The following TCEA3 variants were observed in gnomAD, a reference collection of about 807,000 sequenced individuals.
TCEA3 encodes transcription elongation factor A protein 3.
A neutral mutation model predicts 44.0 loss-of-function variants in TCEA3; 36 were observed. The ratio of observed to expected loss-of-function variants is 0.82; its 90% CI spans 0.63 to 1.08. TCEA3 has a LOEUF of 1.08. TCEA3 is among the 50% of genes least tolerant of loss of function. The pLI is 0.00. For synonymous variants in TCEA3, 162 were observed against 159.7 expected (o/e 1.01, Z -0.11); for missense variants, 392 against 441.2 (o/e 0.89, Z 1.00).
At chr1:23,407,943 C>G (rs78789619) in intron 5 of TCEA3, among the ~76,000 whole-genome samples, 1 of 151,938 alleles carries the variant, frequency 6.6e-6, no homozygotes, top group Non-Finnish European at 1.5e-5. Context: ...TCTTTCTTTT[C>G]TTTTCTTTTT....
intron 1 of TCEA3, among the ~76,000 whole-genome samples, chr1:23,420,382 C>T (rs1640025748): frequency 6.6e-6 from 1 of 152,204 alleles, no homozygotes; most frequent in Non-Finnish European, 1.5e-5. Context: ...GCTGGGACCA[C>T]AGGTATGCAC....
intron 7 of TCEA3, among the ~76,000 whole-genome samples, chr1:23,396,164 A>G (rs1358994011): frequency 1.3e-5 from 2 of 152,186 alleles, no homozygotes; most frequent in Non-Finnish European, 2.9e-5. Flanking sequence ...CACAGGAAGA[A>G]GATGGAAACG....
intron 3 of TCEA3, 106 bp downstream of exon 3, chr1:23,417,798 A>T: frequency 9.9e-7 from 1 of 1,013,110 alleles, no homozygotes; most frequent in Non-Finnish European, 1.5e-6. Flanking sequence ...GTCACTGATT[A>T]AGTCACTCAA....
chr1:23,410,211 A>T (rs1639669847), intron 4 of TCEA3, among the ~76,000 whole-genome samples: 1 of 151,880 alleles, frequency 6.6e-6, no homozygotes, highest in African/African-American at 2.4e-5. Flanking sequence ...GCTTCTCCCT[A>T]GTGCACCTTG....
At chr1:23,419,757 G>A (rs2148585854) in intron 1 of TCEA3, among the ~76,000 whole-genome samples, 1 of 152,220 alleles carries the variant, frequency 6.6e-6, no homozygotes, top group East Asian at 1.9e-4. Flanking sequence ...AATCGCTTGA[G>A]CCCAGGAGAT....
intron 5 of TCEA3, among the ~76,000 whole-genome samples, chr1:23,399,153 T>C (rs1321127775): frequency 1.9e-5 from 2 of 105,954 alleles, no homozygotes; most frequent in Admixed American, 8.9e-5. Flanking sequence ...TGTATATATA[T>C]ATATATATAT....
intron 1 of TCEA3, among the ~76,000 whole-genome samples, chr1:23,420,523 C>T (rs1046912227): frequency 6.6e-6 from 1 of 152,156 alleles, no homozygotes; most frequent in East Asian, 1.9e-4. Context: ...GGATTACAGG[C>T]GTGAGCCACC....
intron 4 of TCEA3, among the ~76,000 whole-genome samples, chr1:23,415,935 C>T: frequency 6.7e-6 from 1 of 150,312 alleles, no homozygotes; most frequent in East Asian, 1.9e-4. Flanking sequence ...ACTAACTCAT[C>T]AAGAGTGATT....
At position 23,408,719 on chromosome 1, in the gene TCEA3, A is replaced by C. The variant is rs372271797; in HGVS notation, c.388T>G (p.Ser130Ala). Residue 130 changes from serine to alanine, a missense_variant, in exon 5 of 11, where the codon TCT (serine) becomes GCT (alanine). Coordinates refer to ENST00000450454, the MANE Select transcript of TCEA3 (RefSeq NM_003196.3). ...KREDPKTRRD[S>A]VDSKSSASSS... ...GAGGCAGAAGACTTGGAGTCCACAG[A>C]GTCTCTCCTGAAAGAAGAAAATTGG... The C allele has an allele frequency of 4.4e-6, 7 of 1,608,714 alleles. No homozygotes were observed. In the African/African-American group the frequency reaches 9.3e-5, roughly 21 times the overall value.
At chr1:23,413,818 A>G (rs1639805228) in intron 4 of TCEA3, among the ~76,000 whole-genome samples, 1 of 151,996 alleles carries the variant, frequency 6.6e-6, no homozygotes, top group Non-Finnish European at 1.5e-5. Flanking sequence ...CTTGTGCTTG[A>G]TTTTCTAAAC....
chr1:23,410,962 T>G (rs1034714856), intron 4 of TCEA3: 1 of 186,482 alleles, frequency 5.4e-6, no homozygotes, highest in Non-Finnish European at 1.2e-5. Flanking sequence ...TAGGACCTTA[T>G]CATGAGACAG....
chr1:23,410,893 C>T (rs1639686943), intron 4 of TCEA3: 1 of 159,072 alleles, frequency 6.3e-6, no homozygotes, highest in South Asian at 1.8e-4. Context: ...TCCAAAACAG[C>T]TAGCAGTTTG....
At chr1:23,418,906 C>T (rs1413720061) in intron 2 of TCEA3, among the ~76,000 whole-genome samples, 171 bp downstream of exon 2, 1 of 151,234 alleles carries the variant, frequency 6.6e-6, no homozygotes, top group Admixed American at 6.6e-5. Context: ...CCCGAGATGC[C>T]CCTGTGTCCC....
At chr1:23,405,422 C>G (rs955930792) in intron 5 of TCEA3, among the ~76,000 whole-genome samples, 1 of 151,986 alleles carries the variant, frequency 6.6e-6, no homozygotes, top group Non-Finnish European at 1.5e-5. Context: ...TGGTAAAACC[C>G]CGTCTCTACT....
chr1:23,381,486 G>A lies in TCEA3; in HGVS notation c.1039-12C>T. 1 of 780,798 alleles carries A rather than the reference G, an allele frequency of 1.3e-6. No homozygotes were observed. Among genetic ancestry groups the A allele is most frequent in the Non-Finnish European group, 2.4e-6 (1 of 417,974 alleles). 48.4% of individuals were successfully genotyped at this position (780,798 alleles called of 1,614,324 possible). A position where few individuals can be genotyped will look rare whatever the true frequency, so the allele number is the denominator to read the frequency against. On this transcript the variant is annotated splice_polypyrimidine_tract_variant and intron_variant, in intron 10 of 10. Coordinates refer to ENST00000450454, the MANE Select transcript of TCEA3 (RefSeq NM_003196.3). Reference sequence around the variant, plus strand: ...TTCCATCAGCAGAACTACAAAACCAGAAAGGCAACAAAATTTGAAAGGTTT... The same window carrying A: ...TTCCATCAGCAGAACTACAAAACCAAAAAGGCAACAAAATTTGAAAGGTTT...
intron 8 of TCEA3, among the ~76,000 whole-genome samples, chr1:23,393,348 A>T (rs1639117967): frequency 1.3e-5 from 2 of 151,958 alleles, no homozygotes; most frequent in African/African-American, 4.8e-5. Context: ...AATATATACC[A>T]TACGCACATG....
rs570881628 is a variant in TCEA3, at chr1:23,393,140, A to T, written c.819+739T>A. On this transcript the variant is annotated intron_variant, in intron 8 of 10. Coordinates refer to ENST00000450454, the MANE Select transcript of TCEA3 (RefSeq NM_003196.3). ...CTTGGTTTCCTCGAATGCACAGTTC[A>T]CAATAGGGTTCGTGCTCCTATGAGA... 1.1e-3 allele frequency among the ~76,000 whole-genome samples: 172 copies of T among 152,188 alleles called. 1 individual carries two copies. Among genetic ancestry groups the T allele is most frequent in the Middle Eastern group, 3.4e-3 (1 of 294 alleles).
In TCEA3 at chr1:23,423,477, C is replaced by T. The variant is rs367648393; in HGVS notation, c.69+1088G>A. On this transcript the variant is annotated intron_variant, in intron 1 of 10. Coordinates refer to ENST00000450454, the MANE Select transcript of TCEA3 (RefSeq NM_003196.3). ...CAGTGTCCACTCTAGGGCTCCCTGC[C>T]ACTTCATGGTTCCAGTGACCCTTCC... Among the ~76,000 whole-genome samples, 531 of 152,294 alleles carry T rather than the reference C, an allele frequency of 3.5e-3. 4 individuals are homozygous for T. The highest frequency in any genetic ancestry group is 0.012 in the African/African-American group (502 of 41,552).
In TCEA3 at chr1:23,387,558, C is replaced by T. The variant is rs142420803; in HGVS notation, c.820-139G>A. 3,057 of 1,065,508 alleles carry T rather than the reference C, an allele frequency of 2.9e-3. 5 individuals are homozygous for T. Among genetic ancestry groups the T allele is most frequent in the Non-Finnish European group, 3.5e-3 (2,682 of 762,574 alleles). 66.0% of individuals were successfully genotyped at this position (1,065,508 alleles called of 1,614,324 possible). ...AGGAGCTGGAAGGAGGCCTGGATTC[C>T]GGGTCCTGCCCCAGCTGGGAGAAAG... is the stretch of plus-strand genomic sequence containing the variant. On this transcript the variant is annotated intron_variant, in intron 8 of 10. Transcript: ENST00000450454.
Sources: allele counts gnomAD v4.1 joint callset (sites outside exome capture counted in the v4.1 genomes callset), GRCh38; gene constraint gnomAD v4.1.1; transcripts MANE v1.5; gene names NCBI Gene and HGNC (gene_info 2026-07-23, HGNC 2026-07-21).